The following YTHDC2 variants were observed in gnomAD, a reference collection of about 807,000 sequenced individuals.
YTHDC2 encodes the protein YTH N6-methyladenosine RNA binding protein C2.
Under a neutral mutation model 174.9 loss-of-function variants are expected in YTHDC2, and 45 were observed. The ratio of observed to expected loss-of-function variants is 0.26; its 90% confidence interval spans 0.20 to 0.33. The LOEUF is 0.33. Ranked by LOEUF, YTHDC2 falls within the 10% of genes least tolerant of loss-of-function variation. The pLI is 1.00. For missense variants in YTHDC2, 1,650 were observed against 1,723.7 expected (o/e 0.96, Z 0.76); for synonymous variants, 657 against 574.5 (o/e 1.14, Z -2.05).
intron 26 of YTHDC2, among the ~76,000 whole-genome samples, chr5:113,590,360 A>G (rs1580661864): frequency 6.6e-6 from 1 of 152,248 alleles, no homozygotes; most frequent in Non-Finnish European, 1.5e-5. Flanking sequence ...CCAGTACCAT[A>G]TATATTACAG....
chr5:113,542,419 G>T lies in YTHDC2; in HGVS notation c.1411G>T (p.Ala471Ser). ...ACCATGGTTAATAAAGGAAATGGAT[G>T]CTTGCCTTTCTGATATATGGCTACA... The part of the protein sequence containing the change: ...LEPWLIKEMD[A>S]CLSDIWLHKD... Residue 471 changes from alanine (A) to serine (S), a missense_variant, in exon 10 of 30, where the codon GCT becomes TCT. Around this residue, in one of 5 missense-constraint regions of YTHDC2, gnomAD observed 411 missense variants for 380.6 expected, o/e 1.08. Coordinates refer to ENST00000161863, the MANE Select transcript of YTHDC2 (RefSeq NM_022828.5). The T allele has an allele frequency of 1.2e-6, 2 of 1,612,680 alleles. No homozygotes were observed. Among genetic ancestry groups the T allele is most frequent in the Non-Finnish European group, 1.7e-6 (2 of 1,179,432 alleles).
intron 2 of YTHDC2, among the ~76,000 whole-genome samples, chr5:113,523,966 G>A (rs1310003959): frequency 6.6e-6 from 1 of 152,014 alleles, no homozygotes; most frequent in African/African-American, 2.4e-5. Flanking sequence ...TTAAGAAATA[G>A]TATTGTTTCT....
intron 10 of YTHDC2, among the ~76,000 whole-genome samples, chr5:113,544,730 A>C (rs565400846): frequency 6.6e-6 from 1 of 151,488 alleles, no homozygotes; most frequent in East Asian, 1.9e-4. Context: ...CTATTACTTC[A>C]ACTGTTCTTT....
At chr5:113,547,038 C>T (rs1356141072) in intron 10 of YTHDC2, among the ~76,000 whole-genome samples, 2 of 152,182 alleles carry the variant, frequency 1.3e-5, no homozygotes, top group East Asian at 3.9e-4. Flanking sequence ...TTGCACACCA[C>T]CTCTTTCACG....
At chr5:113,522,375 A>T (rs998743245) in intron 2 of YTHDC2, among the ~76,000 whole-genome samples, 4 of 152,186 alleles carry the variant, frequency 2.6e-5, no homozygotes, top group Non-Finnish European at 5.9e-5. Context: ...TTGATTACTT[A>T]TAGCATCATT....
intron 20 of YTHDC2, 128 bp downstream of exon 20, chr5:113,564,259 C>T (rs1442309811): frequency 1.9e-6 from 2 of 1,037,728 alleles, no homozygotes; most frequent in African/African-American, 1.6e-5. Context: ...TATGAAGTCA[C>T]ATTAATAGTC....
intron 12 of YTHDC2, among the ~76,000 whole-genome samples, chr5:113,549,717 C>A (rs979111634): frequency 1.3e-5 from 2 of 151,990 alleles, no homozygotes; most frequent in Non-Finnish European, 2.9e-5. Context: ...TCCTCTTTAA[C>A]CTGTTCTACG....
chr5:113,543,901 A>G (rs1775656081), intron 10 of YTHDC2, among the ~76,000 whole-genome samples: 1 of 151,966 alleles, frequency 6.6e-6, no homozygotes, highest in African/African-American at 2.4e-5. Context: ...CTGCTTACAC[A>G]TTGCCTTCTC....
rs1777186568 is a variant in YTHDC2 at position 113,564,136 on chromosome 5, T to G, written c.2715+5T>G. The G allele has an allele frequency of 6.3e-7, 1 of 1,593,596 alleles. No individual in the cohort carries two copies. Among genetic ancestry groups the G allele is most frequent in the African/African-American group, 1.3e-5 (1 of 74,514 alleles). Reference sequence around the variant, plus strand: ...GCACTTCTCAGAGCATTCCAGGTACTATTACTGTCATTTTATTTCTGAAGA... The same window carrying G: ...GCACTTCTCAGAGCATTCCAGGTACGATTACTGTCATTTTATTTCTGAAGA... On this transcript the variant is annotated splice_donor_5th_base_variant and intron_variant, in intron 20 of 29. Coordinates refer to ENST00000161863, the MANE Select transcript of YTHDC2 (RefSeq NM_022828.5).
At chr5:113,560,542 A>G (rs1179428718) in intron 17 of YTHDC2, among the ~76,000 whole-genome samples, 6 of 152,184 alleles carry the variant, frequency 3.9e-5, no homozygotes, top group Non-Finnish European at 8.8e-5. Flanking sequence ...ATCCCTAAGC[A>G]TAGCTAGCCC....
chr5:113,578,267 C>T (rs1014725200), intron 23 of YTHDC2, among the ~76,000 whole-genome samples: 14 of 152,078 alleles, frequency 9.2e-5, no homozygotes, highest in African/African-American at 2.9e-4. Context: ...GTAGTCATAG[C>T]TCACTGTAAC....
chr5:113,584,609 G>A (rs2112803009), intron 26 of YTHDC2, 130 bp downstream of exon 26: 2 of 773,290 alleles, frequency 2.6e-6, no homozygotes, highest in Middle Eastern at 3.9e-4. Flanking sequence ...GTTGAAGCTA[G>A]CAAACTTGAT....
chr5:113,539,786 C>T (rs1775323720), intron 8 of YTHDC2, among the ~76,000 whole-genome samples: 1 of 151,832 alleles, frequency 6.6e-6, no homozygotes. Flanking sequence ...AATCTGAACT[C>T]CTTTGGATTT....
chr5:113,553,774 G>T lies in YTHDC2; in HGVS notation c.1972G>T (p.Val658Phe), dbSNP rs767981060. The T allele has an allele frequency of 7.4e-6, 12 of 1,612,456 alleles. No homozygotes were observed. The highest frequency in any genetic ancestry group is 1.1e-5 in the South Asian group (1 of 90,796). The change falls in exon 15 of 30, where the codon GTC becomes TTC. Residue 658 changes from valine to phenylalanine, a missense_variant. Transcript: ENST00000161863. ...RFADSTHRYQ[V>F]FMLHSNMQTS... Reference sequence around the variant, plus strand: ...TCTTTCAATTGTCTGCAGATACCAAGTCTTTATGCTTCATTCAAATATGCA... The same window carrying T: ...TCTTTCAATTGTCTGCAGATACCAATTCTTTATGCTTCATTCAAATATGCA...
chr5:113,591,461 T>C (rs1400579934), intron 27 of YTHDC2, among the ~76,000 whole-genome samples: 1 of 152,154 alleles, frequency 6.6e-6, no homozygotes, highest in Admixed American at 6.6e-5. Context: ...AGGTAAACTA[T>C]GTTTCCTTCT....
chr5:113,580,038 A>G (rs1778303758), intron 24 of YTHDC2: 2 of 581,972 alleles, frequency 3.4e-6, no homozygotes, highest in Non-Finnish European at 4.3e-6. Context: ...GGGCTGCTGG[A>G]CCCTGCCTCC....
intron 23 of YTHDC2, among the ~76,000 whole-genome samples, chr5:113,574,567 A>G (rs1341571915): frequency 6.6e-6 from 1 of 152,112 alleles, no homozygotes; most frequent in Non-Finnish European, 1.5e-5. Flanking sequence ...TGAGTCAACC[A>G]AACCACAAAG....
Position 113,581,418 on chromosome 5 carries a change from C to A in YTHDC2, c.3356C>A (p.Ala1119Glu). The A allele has an allele frequency of 6.3e-7, 1 of 1,597,410 alleles. No homozygotes were observed. The highest frequency in any genetic ancestry group is 8.5e-7 in the Non-Finnish European group (1 of 1,172,746). The change falls in exon 25 of 30, where the codon GCA (alanine) becomes GAA (glutamate). Residue 1119 changes from alanine (A) to glutamate (E), a missense_variant and splice_region_variant. Coordinates refer to ENST00000161863, the MANE Select transcript of YTHDC2 (RefSeq NM_022828.5). The stretch of plus-strand genomic sequence containing the variant: ...TTGTATCTATTTGAACTATTACAGG[C>A]AGCTAGTTTATTGCTGCAGCTCAGA... Reference protein sequence around the residue: ...EWLHFTLEPEAASLLLQLRQK... With the variant: ...EWLHFTLEPEEASLLLQLRQK...
In YTHDC2 at chr5:113,567,089, T is replaced by A. The variant is rs1777386266; in HGVS notation, c.2843-3T>A. 6.2e-7 allele frequency: 1 copy of A among 1,611,312 alleles called. No homozygotes were observed. The highest frequency in any genetic ancestry group is 8.5e-7 in the Non-Finnish European group (1 of 1,179,056). ...AAATTGGTGTGGTTTTTTTCCCCTC[T>A]AGGTTTTGTTAGAGCACGAGGTGGT... is the stretch of plus-strand genomic sequence containing the variant. On this transcript the variant is annotated splice_region_variant and splice_polypyrimidine_tract_variant and intron_variant, in intron 21 of 29. Coordinates refer to ENST00000161863, the MANE Select transcript of YTHDC2 (RefSeq NM_022828.5).
Sources: gnomAD v4.1 joint callset for allele counts (sites outside exome capture counted in the v4.1 genomes callset) on GRCh38, gnomAD v4.1.1 for gene constraint, gnomAD v4.1.1 regional missense constraint, MANE v1.5 for transcripts, NCBI Gene and HGNC (gene_info 2026-07-23, HGNC 2026-07-21) for gene names.